Variants in MYOT observed in about 807,000 individuals in gnomAD.
The protein encoded by MYOT is myotilin.
MYOT carries 36 observed loss-of-function variants against 58.0 expected under a neutral mutation model. That is an observed-to-expected ratio of 0.62 (90% CI 0.48 to 0.82). The LOEUF is 0.82. Ranked by LOEUF, MYOT falls within the 40% of genes least tolerant of loss-of-function variation. The pLI is 0.00. For missense variants in MYOT, 505 were observed against 592.1 expected (o/e 0.85, Z 1.53); for synonymous variants, 218 against 204.6 (o/e 1.07, Z -0.56).
In MYOT at chr5:137,870,899, A is replaced by G; in HGVS notation, c.248A>G (p.Gln83Arg). The change falls in exon 2 of 10, where the codon CAA (glutamine) becomes CGA (arginine). Residue 83 changes from glutamine (Q) to arginine (R), a missense_variant. By Grantham distance (43) the Gln-to-Arg change is conservative. Coordinates refer to ENST00000239926, the MANE Select transcript of MYOT (RefSeq NM_006790.3). ...CAGCATGCTGGCTCCAACCCAGGCC[A>G]AAGGGTTACAACCACCTATAACCAG... Reference protein sequence around the residue: ...PQQHAGSNPGQRVTTTYNQSP... With the variant: ...PQQHAGSNPGRRVTTTYNQSP... The G allele has an allele frequency of 6.2e-7, 1 of 1,614,168 alleles. No individual in the cohort carries two copies. The highest frequency in any genetic ancestry group is 8.5e-7 in the Non-Finnish European group (1 of 1,180,020).
In MYOT at chr5:137,883,488, A is replaced by G. The variant is rs1416882074; in HGVS notation, c.921A>G (p.Ser307=). The G allele has an allele frequency of 6.2e-7, 1 of 1,614,036 alleles. No homozygotes were observed. Among genetic ancestry groups the G allele is most frequent in the Admixed American group, 1.7e-5 (1 of 59,998 alleles). Residue 307 remains serine (S), a synonymous_variant, in exon 7 of 10, where the codon TCA becomes TCG. Coordinates refer to ENST00000239926, the MANE Select transcript of MYOT (RefSeq NM_006790.3). Reference sequence around the variant, plus strand: ...TAGTGTCTGAGAAGGGTCTTCATTCACTCATCTTTGAAGTAGTCAGAGCTT... The same window carrying G: ...TAGTGTCTGAGAAGGGTCTTCATTCGCTCATCTTTGAAGTAGTCAGAGCTT... ...KMIVSEKGLH[S]LIFEVVRASD...
intron 4 of MYOT, among the ~76,000 whole-genome samples, chr5:137,880,045 T>C (rs958586812): frequency 3.3e-5 from 5 of 152,182 alleles, no homozygotes; most frequent in African/African-American, 1.2e-4. Flanking sequence ...TACTCAGATC[T>C]TGTGTGCTCC....
At chr5:137,879,839 A>G (rs1672782023) in intron 4 of MYOT, among the ~76,000 whole-genome samples, 1 of 151,876 alleles carries the variant, frequency 6.6e-6, no homozygotes, top group South Asian at 2.1e-4. Flanking sequence ...CCCAGCCTGG[A>G]TATTTTTAAT....
rs35301804 is a variant in MYOT, at chr5:137,870,288, G to GACACACAC, written c.-211-121_-211-114dup. Among the ~76,000 whole-genome samples, 6,211 of 126,928 alleles carry GACACACAC rather than the reference G, an allele frequency of 0.049. 215 individuals are homozygous for GACACACAC. Among genetic ancestry groups the GACACACAC allele is most frequent in the African/African-American group, 0.08 (2,665 of 33,242 alleles). The allele number at this position is 126,928 out of a possible 152,430, so 83.3% of individuals were successfully genotyped here. On this transcript the variant is annotated intron_variant, in intron 1 of 9. Transcript: ENST00000239926. ...TATGTTCGCCTGGGCGATTAAGCAAGACACACACACACACACACACACACA... is the reference window on the plus strand; with the variant it reads ...TATGTTCGCCTGGGCGATTAAGCAAGACACACACACACACACACACACACACACACACA...
chr5:137,878,747 C>T (rs1156461831), intron 4 of MYOT, among the ~76,000 whole-genome samples: 2 of 152,034 alleles, frequency 1.3e-5, no homozygotes, highest in African/African-American at 2.4e-5. Context: ...CGCTTGAACC[C>T]GTGAGATGGA....
chr5:137,880,981 T>C (rs909280353), intron 5 of MYOT, 116 bp downstream of exon 5: 4 of 761,696 alleles, frequency 5.3e-6, no homozygotes, highest in South Asian at 1.7e-5. Context: ...AAAAATACAA[T>C]GTGTATTTTC....
chr5:137,885,019 G>A (rs1337248557), intron 7 of MYOT, among the ~76,000 whole-genome samples: 1 of 152,160 alleles, frequency 6.6e-6, no homozygotes, highest in East Asian at 1.9e-4. Flanking sequence ...CAATTTAAGT[G>A]ATTAAAGTTT....
In MYOT at chr5:137,887,388, A is replaced by C. The variant is rs1281282960; in HGVS notation, c.*3A>C. The C allele has an allele frequency of 6.2e-6, 10 of 1,613,816 alleles. No homozygotes were observed. Among genetic ancestry groups the C allele is most frequent in the Non-Finnish European group, 8.5e-6 (10 of 1,179,810 alleles). ...TCTATGAAAGTGAAGAACTTTAATAACTTTACCAACATTGGAAAACAGCCA... is the reference window on the plus strand; with the variant it reads ...TCTATGAAAGTGAAGAACTTTAATACCTTTACCAACATTGGAAAACAGCCA... On this transcript the variant is annotated 3_prime_UTR_variant, in exon 10 of 10. Coordinates refer to ENST00000239926, the MANE Select transcript of MYOT (RefSeq NM_006790.3).
chr5:137,868,687 G>A (rs1754947723), intron 1 of MYOT, among the ~76,000 whole-genome samples: 1 of 152,130 alleles, frequency 6.6e-6, no homozygotes, highest in Non-Finnish European at 1.5e-5. Context: ...TTTATTCCTT[G>A]CTATCTGAAA....
At chr5:137,871,635 T>C (rs1368769164) in intron 2 of MYOT, among the ~76,000 whole-genome samples, 1 of 152,212 alleles carries the variant, frequency 6.6e-6, no homozygotes, top group Non-Finnish European at 1.5e-5. Flanking sequence ...ACGGTTTCGT[T>C]TGGTAATTAA....
At position 137,885,310 on chromosome 5, in the gene MYOT, G is replaced by A. The variant is rs140908185; in HGVS notation, c.1025-738G>A. On this transcript the variant is annotated intron_variant, in intron 7 of 9. Transcript: ENST00000239926. ...GGTAGACACAACAGTCACTACTACC[G>A]GGATTTTTTTTTTATAACAATAGAT... 4.1e-3 allele frequency among the ~76,000 whole-genome samples: 624 copies of A among 152,052 alleles called. 4 individuals are homozygous for A. Among genetic ancestry groups the A allele is most frequent in the African/African-American group, 0.013 (547 of 41,468 alleles).
At chr5:137,872,284 A>G (rs1227121673) in intron 2 of MYOT, among the ~76,000 whole-genome samples, 2 of 152,160 alleles carry the variant, frequency 1.3e-5, no homozygotes. Flanking sequence ...TTTATAATAT[A>G]TAGATCTTTC....
intron 5 of MYOT, among the ~76,000 whole-genome samples, chr5:137,881,729 C>T (rs1209286441): frequency 6.6e-6 from 1 of 152,090 alleles, no homozygotes; most frequent in Non-Finnish European, 1.5e-5. Context: ...CAGACTCTCA[C>T]TCTGTCATCC....
At chr5:137,881,385 C>T (rs1396374491) in intron 5 of MYOT, among the ~76,000 whole-genome samples, 1 of 152,156 alleles carries the variant, frequency 6.6e-6, no homozygotes, top group East Asian at 1.9e-4. Flanking sequence ...GATGGCTAGG[C>T]TGGACGCAGT....
At chr5:137,882,448 T>C (rs1486497271) in intron 6 of MYOT, among the ~76,000 whole-genome samples, 2 of 151,778 alleles carry the variant, frequency 1.3e-5, no homozygotes, top group East Asian at 3.9e-4. Flanking sequence ...TAAAGTACAA[T>C]GCCCTTTTTT....
At chr5:137,882,481 C>T (rs1292271119) in intron 6 of MYOT, among the ~76,000 whole-genome samples, 1 of 150,146 alleles carries the variant, frequency 6.7e-6, no homozygotes, top group Non-Finnish European at 1.5e-5. Context: ...CAGGGTCTTG[C>T]TCTGTCACCC....
Position 137,883,489 on chromosome 5 carries a change from CTCATCT to C in MYOT, c.924_929del (p.Ile309_Phe310del). On this transcript the variant is annotated inframe_deletion, in exon 7 of 10. Coordinates refer to ENST00000239926, the MANE Select transcript of MYOT (RefSeq NM_006790.3). ...AGTGTCTGAGAAGGGTCTTCATTCACTCATCTTTGAAGTAGTCAGAGCTTCAGATGC... is the reference window on the plus strand; with the variant it reads ...AGTGTCTGAGAAGGGTCTTCATTCACTTGAAGTAGTCAGAGCTTCAGATGC... 1.2e-6 allele frequency: 2 copies of C among 1,614,108 alleles called. No homozygotes were observed. The highest frequency in any genetic ancestry group is 1.7e-6 in the Non-Finnish European group (2 of 1,179,984).
intron 8 of MYOT, 47 bp downstream of exon 8, chr5:137,886,260 C>A (rs1755599354): frequency 6.9e-7 from 1 of 1,451,910 alleles, no homozygotes; most frequent in Admixed American, 1.7e-5. Flanking sequence ...TGGGTGAATC[C>A]AGTTATACTT....
At position 137,880,842 on chromosome 5, in the gene MYOT, G is replaced by C. The variant is rs775405759; in HGVS notation, c.660G>C (p.Leu220=). The change falls in exon 5 of 10, where the codon CTG becomes CTC. Residue 220 remains leucine (L), a synonymous_variant. Transcript: ENST00000239926. ...SQQHNSEHAR[L]QVPTSQVRSR... Reference sequence around the variant, plus strand: ...AACACAACTCAGAACATGCGCGACTGCAAGTTCCTACATCACAAGTAAGGT... The same window carrying C: ...AACACAACTCAGAACATGCGCGACTCCAAGTTCCTACATCACAAGTAAGGT... 1.2e-6 allele frequency: 2 copies of C among 1,611,944 alleles called. No individual in the cohort carries two copies. Among genetic ancestry groups the C allele is most frequent in the Non-Finnish European group, 1.7e-6 (2 of 1,178,296 alleles).
Sources: gnomAD v4.1 joint callset for allele counts (sites outside exome capture counted in the v4.1 genomes callset) on GRCh38, gnomAD v4.1.1 for gene constraint, MANE v1.5 for transcripts, NCBI Gene and HGNC (gene_info 2026-07-23, HGNC 2026-07-21) for gene names.